TLK1: variants seen among roughly 807,000 people sequenced by gnomAD.
The protein encoded by TLK1 is serine/threonine-protein kinase tousled-like 1.
A neutral mutation model predicts 105.3 loss-of-function variants in TLK1; 24 were observed. The ratio of observed to expected loss-of-function variants is 0.23; its 90% CI spans 0.17 to 0.32. The LOEUF is 0.32. Among genes scored for constraint, TLK1 ranks in the 10% least tolerant of loss-of-function variants. TLK1 has a pLI of 1.00. For synonymous variants in TLK1, 321 were observed against 310.4 expected, an observed-to-expected ratio of 1.03 and a Z score of -0.36; for missense variants, 558 against 910.5, an observed-to-expected ratio of 0.61 and a Z score of 4.98.
chr2:171,080,277 A>C (rs1280643848), intron 3 of TLK1, among the ~76,000 whole-genome samples: 1 of 151,860 alleles, frequency 6.6e-6, no homozygotes, highest in African/African-American at 2.4e-5. Flanking sequence ...CAACTGTAGT[A>C]AATTGGAGAA....
At chr2:171,163,945 C>T (rs1692561221), upstream of TLK1, among the ~76,000 whole-genome samples, 1 of 152,130 alleles carries the variant, frequency 6.6e-6, no homozygotes, top group Non-Finnish European at 1.5e-5. Flanking sequence ...AGGGTGGTCT[C>T]AAACTCCTGA....
At chr2:171,219,612 T>C (rs528970964) in intron 1 of TLK1, among the ~76,000 whole-genome samples, 24 of 151,992 alleles carry the variant, frequency 1.6e-4, no homozygotes, top group South Asian at 8.3e-4. Flanking sequence ...ACCTTTTTTT[T>C]TTTTTTGAGA....
At chr2:171,038,049 T>C (rs1296484979) in intron 11 of TLK1, among the ~76,000 whole-genome samples, 1 of 152,250 alleles carries the variant, frequency 6.6e-6, no homozygotes, top group African/African-American at 2.4e-5. Flanking sequence ...CAGAACTATG[T>C]GGATTTTGTT....
At chr2:171,203,101 C>T (rs1693434172) in intron 1 of TLK1, among the ~76,000 whole-genome samples, 1 of 151,742 alleles carries the variant, frequency 6.6e-6, no homozygotes, top group African/African-American at 2.4e-5. Flanking sequence ...GTTGTTTTTT[C>T]TACTGCAAAT....
At chr2:171,169,478 C>T (rs1306464276) in intron 1 of TLK1, among the ~76,000 whole-genome samples, 2 of 152,048 alleles carry the variant, frequency 1.3e-5, no homozygotes, top group Non-Finnish European at 2.9e-5. Context: ...ATTTTTATTA[C>T]CAGTTCTCAC....
At chr2:171,056,636 T>G (rs1687515788) in intron 5 of TLK1, 70 bp from the exon 6 acceptor site, 1 of 1,267,092 alleles carries the variant, frequency 7.9e-7, no homozygotes, top group Non-Finnish European at 1.1e-6. Context: ...AGATATGACA[T>G]TAAGAATTAA....
intron 12 of TLK1, among the ~76,000 whole-genome samples, chr2:171,015,731 ACC>A (rs959700682): frequency 0.048 from 174 of 3,638 alleles, no homozygotes; most frequent in African/African-American, 0.072. Flanking sequence ...ACACACACAC[ACC>A]CACCCCTTTT....
At chr2:171,152,492 T>A (rs1286707293) in intron 1 of TLK1, among the ~76,000 whole-genome samples, 2 of 151,964 alleles carry the variant, frequency 1.3e-5, no homozygotes, top group Non-Finnish European at 2.9e-5. Flanking sequence ...GTTTGCTATA[T>A]AATACATGCT....
intron 8 of TLK1, among the ~76,000 whole-genome samples, chr2:171,051,816 T>C (rs1343563730): frequency 6.6e-6 from 1 of 152,190 alleles, no homozygotes; most frequent in Non-Finnish European, 1.5e-5. Flanking sequence ...GATCCACCTG[T>C]ATACTGGAAA....
At chr2:171,230,692 G>A (rs1048174509) in intron 1 of TLK1, among the ~76,000 whole-genome samples, 1 of 151,718 alleles carries the variant, frequency 6.6e-6, no homozygotes, top group South Asian at 2.1e-4. Flanking sequence ...GTGTCTTGGC[G>A]TATTGACCTG....
intron 1 of TLK1, among the ~76,000 whole-genome samples, chr2:171,217,345 C>T (rs982243026): frequency 1.3e-5 from 2 of 152,168 alleles, no homozygotes; most frequent in Non-Finnish European, 2.9e-5. Flanking sequence ...CCACAGGTAA[C>T]TTGGGAGGTA....
rs117412142 is a variant in TLK1, at chr2:171,176,387, G to A, written c.-6+54758C>T. On this transcript the variant is annotated intron_variant, in intron 1 of 20. Coordinates refer to the TLK1 transcript ENST00000521943. Reference sequence around the variant, plus strand: ...TGACCACTCTCTGAGCTCCAACCTCGGCTAGCATGGCTTCTCTTGGGCTGT... The same window carrying A: ...TGACCACTCTCTGAGCTCCAACCTCAGCTAGCATGGCTTCTCTTGGGCTGT... Among the ~76,000 whole-genome samples the A allele has an allele frequency of 2.7e-3, 404 of 152,168 alleles. 1 individual carries two copies. The highest frequency in any genetic ancestry group is 0.019 in the East Asian group (96 of 5,176).
At chr2:171,167,398 C>G (rs1692628641) in intron 1 of TLK1, among the ~76,000 whole-genome samples, 1 of 152,116 alleles carries the variant, frequency 6.6e-6, no homozygotes, top group Non-Finnish European at 1.5e-5. Flanking sequence ...CTTAAGATGC[C>G]TACCCTGCAA....
chr2:171,228,818 G>A (rs775744731), intron 1 of TLK1, among the ~76,000 whole-genome samples: 1 of 152,110 alleles, frequency 6.6e-6, no homozygotes, highest in Non-Finnish European at 1.5e-5. Flanking sequence ...GATATATTTT[G>A]CTAAGCTAGT....
At chr2:171,116,014 G>A (rs1055985479) in intron 2 of TLK1, among the ~76,000 whole-genome samples, 1 of 152,026 alleles carries the variant, frequency 6.6e-6, no homozygotes. Flanking sequence ...TAGTAAAATA[G>A]CTTATAAATA....
intron 14 of TLK1, among the ~76,000 whole-genome samples, chr2:171,008,764 G>C (rs748695660): frequency 7.2e-5 from 11 of 152,184 alleles, no homozygotes; most frequent in Non-Finnish European, 1.3e-4. Flanking sequence ...ATTTAGGTCA[G>C]TATAGAAAGT....
intron 8 of TLK1, among the ~76,000 whole-genome samples, chr2:171,052,255 T>C (rs1687276741): frequency 6.6e-6 from 1 of 152,036 alleles, no homozygotes; most frequent in East Asian, 1.9e-4. Context: ...TGAGACCCTG[T>C]CACTTAGCGG....
intron 18 of TLK1, among the ~76,000 whole-genome samples, chr2:171,002,731 C>G (rs1486751422): frequency 6.6e-6 from 1 of 152,122 alleles, no homozygotes; most frequent in Non-Finnish European, 1.5e-5. Flanking sequence ...ATCCCAGGCT[C>G]AAGCGATGAT....
chr2:171,100,675 A>C (rs545551879), intron 2 of TLK1, among the ~76,000 whole-genome samples: 1 of 152,238 alleles, frequency 6.6e-6, no homozygotes, highest in South Asian at 2.1e-4. Flanking sequence ...GACAATAATA[A>C]GTGTTGACAG....
Sources: allele counts gnomAD v4.1 joint callset (sites outside exome capture counted in the v4.1 genomes callset), GRCh38; gene constraint gnomAD v4.1.1; transcripts MANE v1.5; gene names NCBI Gene and HGNC (gene_info 2026-07-23, HGNC 2026-07-21).